Variants in DENND4C observed in about 807,000 individuals in gnomAD.
DENND4C encodes the protein DENN domain-containing protein 4C.
A neutral mutation model predicts 203.0 loss-of-function variants in DENND4C; 108 were observed. The observed-to-expected ratio is 0.53, with a 90% CI of 0.46 to 0.62. The LOEUF is 0.62. DENND4C is among the 20% of genes least tolerant of loss of function. The pLI is 0.00. For missense variants in DENND4C, 2,481 were observed against 2,301.2 expected, an observed-to-expected ratio of 1.08 and a Z score of -1.60; for synonymous variants, 871 against 792.4, an observed-to-expected ratio of 1.10 and a Z score of -1.67.
At chr9:19,360,531 A>G (rs1826238181) in intron 29 of DENND4C, 42 bp downstream of exon 29, 8 of 1,611,018 alleles carry the variant, frequency 5.0e-6, no homozygotes, top group Non-Finnish European at 5.1e-6. Context: ...ATTCAGTAGG[A>G]TGAGGCTTAA....
At chr9:19,354,264 T>G (rs527302047) in intron 26 of DENND4C, among the ~76,000 whole-genome samples, 43 of 152,312 alleles carry the variant, frequency 2.8e-4, no homozygotes, top group Non-Finnish European at 5.4e-4. Flanking sequence ...AACACCACGG[T>G]AGTAATGCAG....
intron 1 of DENND4C, among the ~76,000 whole-genome samples, chr9:19,250,319 C>T (rs2131593898): frequency 6.6e-6 from 1 of 152,282 alleles, no homozygotes; most frequent in South Asian, 2.1e-4. Flanking sequence ...TGGCGTGCAC[C>T]TGTAATCCCA....
intron 9 of DENND4C, among the ~76,000 whole-genome samples, chr9:19,302,006 G>T (rs1220761445): frequency 3.3e-5 from 5 of 152,098 alleles, no homozygotes; most frequent in African/African-American, 1.2e-4. Flanking sequence ...TGTCAGAATC[G>T]TGGTGGCCAA....
intron 1 of DENND4C, among the ~76,000 whole-genome samples, chr9:19,238,085 T>C (rs1822483388): frequency 1.4e-5 from 2 of 145,798 alleles, no homozygotes. Flanking sequence ...CTTTCTTTCT[T>C]TTTTTTTTTT....
chr9:19,311,038 G>A (rs911149388), intron 10 of DENND4C, among the ~76,000 whole-genome samples: 13 of 152,064 alleles, frequency 8.5e-5, no homozygotes, highest in African/African-American at 3.1e-4. Context: ...TTTTATTTTT[G>A]TAGACTTTAA....
intron 1 of DENND4C, among the ~76,000 whole-genome samples, chr9:19,231,356 A>T (rs779147536): frequency 1.3e-5 from 2 of 152,096 alleles, no homozygotes; most frequent in Admixed American, 6.6e-5. Flanking sequence ...TCTCTGGTGA[A>T]TTGAAGACAT....
At chr9:19,259,511 T>TC (rs1199911819) in intron 1 of DENND4C, among the ~76,000 whole-genome samples, 2 of 150,264 alleles carry the variant, frequency 1.3e-5, no homozygotes, top group Non-Finnish European at 3.0e-5. Flanking sequence ...TTTTCTTTTT[T>TC]TTTTTTTTTT....
intron 1 of DENND4C, among the ~76,000 whole-genome samples, chr9:19,262,091 T>A (rs1274512427): frequency 8.2e-6 from 1 of 122,286 alleles, no homozygotes; most frequent in African/African-American, 3.5e-5. Context: ...TTTTTTTTTT[T>A]TTTTTTTTTT....
At position 19,369,902 on chromosome 9, in the gene DENND4C, A is replaced by G. The variant is rs749447092; in HGVS notation, c.5590A>G (p.Ile1864Val). 72 of 1,613,810 alleles carry G rather than the reference A, an allele frequency of 4.5e-5. No individual in the cohort carries two copies. Among genetic ancestry groups the G allele is most frequent in the Non-Finnish European group, 5.9e-5 (70 of 1,179,934 alleles). The change falls in exon 31 of 33, where the codon ATC becomes GTC. Residue 1864 changes from isoleucine (I) to valine (V), a missense_variant. Physicochemically the swap from Ile to Val is conservative, Grantham distance 29 (BLOSUM62 3). Coordinates refer to ENST00000434457, the MANE Select transcript of DENND4C (RefSeq NM_001330640.2). ...QQETSTLVET[I>V]RQSIQHNNVL... The stretch of plus-strand genomic sequence containing the variant: ...AGAAACAAGCACTTTAGTAGAAACC[A>G]TCAGGCAGAGTATTCAGCACAATAA...
At chr9:19,313,395 C>A (rs1011035192) in intron 10 of DENND4C, among the ~76,000 whole-genome samples, 7 of 152,108 alleles carry the variant, frequency 4.6e-5, no homozygotes, top group African/African-American at 1.4e-4. Context: ...TTTTGCAGAT[C>A]AGAAAATTGA....
At chr9:19,256,897 T>C (rs58074671) in intron 1 of DENND4C, among the ~76,000 whole-genome samples, 4,481 of 151,730 alleles carry the variant, frequency 0.03, 213 homozygotes, top group African/African-American at 0.1. Flanking sequence ...GGTGAAACCC[T>C]GTTGCTACTA....
At chr9:19,353,061 A>T (rs1262156347) in intron 26 of DENND4C, among the ~76,000 whole-genome samples, 3 of 152,138 alleles carry the variant, frequency 2.0e-5, no homozygotes, top group East Asian at 1.9e-4. Flanking sequence ...GCGTGAGCCC[A>T]GGAGTTTGAA....
At chr9:19,247,108 T>G (rs1221047135) in intron 1 of DENND4C, among the ~76,000 whole-genome samples, 2 of 152,216 alleles carry the variant, frequency 1.3e-5, no homozygotes, top group Non-Finnish European at 2.9e-5. Context: ...TCCTGTTTTA[T>G]AAAAACTTTA....
chr9:19,258,294 C>T (rs941243970), intron 1 of DENND4C, among the ~76,000 whole-genome samples: 1 of 152,120 alleles, frequency 6.6e-6, no homozygotes, highest in African/African-American at 2.4e-5. Context: ...GAAATAACAC[C>T]ATTTCTCTAC....
chr9:19,343,983 AG>A (rs1822247310), intron 22 of DENND4C, among the ~76,000 whole-genome samples: 1 of 152,252 alleles, frequency 6.6e-6, no homozygotes, highest in African/African-American at 2.4e-5. Context: ...CTTTCAAAGC[AG>A]GTACATATTT....
intron 2 of DENND4C, among the ~76,000 whole-genome samples, chr9:19,280,212 C>G (rs895999810): frequency 6.6e-6 from 1 of 151,824 alleles, no homozygotes; most frequent in African/African-American, 2.4e-5. Context: ...TGCAGTGGTG[C>G]GATCTCGGCT....
At chr9:19,248,503 C>G (rs948701564) in intron 1 of DENND4C, among the ~76,000 whole-genome samples, 4 of 152,114 alleles carry the variant, frequency 2.6e-5, no homozygotes, top group African/African-American at 9.7e-5. Context: ...GATTCTCCTG[C>G]CTCAGCCACC....
chr9:19,242,525 A>G (rs1824015620), intron 1 of DENND4C, among the ~76,000 whole-genome samples: 1 of 152,104 alleles, frequency 6.6e-6, no homozygotes, highest in African/African-American at 2.4e-5. Context: ...GGGCTGTTTT[A>G]TTTTGTATTT....
intron 5 of DENND4C, among the ~76,000 whole-genome samples, chr9:19,293,986 T>G (rs1198687836): frequency 2.6e-5 from 4 of 152,204 alleles, no homozygotes; most frequent in Admixed American, 2.6e-4. Context: ...TTGTGTAGCA[T>G]GACTGAGTAA....
Sources: gnomAD v4.1 joint callset for allele counts (sites outside exome capture counted in the v4.1 genomes callset) on GRCh38, gnomAD v4.1.1 for gene constraint, MANE v1.5 for transcripts, NCBI Gene and HGNC (gene_info 2026-07-23, HGNC 2026-07-21) for gene names.